The following SNX29 variants were observed in gnomAD, a reference collection of about 807,000 sequenced individuals.
SNX29 encodes the protein sorting nexin 29, also known as sorting nexin-29.
A neutral mutation model predicts 102.1 loss-of-function variants in SNX29; 78 were observed. That is an observed-to-expected ratio of 0.76 (90% CI 0.64 to 0.92). The LOEUF (loss-of-function observed/expected upper bound fraction) is 0.92, where lower values mean the gene tolerates loss of function less well. Among genes scored for constraint, SNX29 ranks in the 40% least tolerant of loss-of-function variants. SNX29 has a pLI of 0.00. For synonymous variants in SNX29, 580 were observed against 414.5 expected, an observed-to-expected ratio of 1.40 and a Z score of -4.85; for missense variants, 1,280 against 1,061.7, an observed-to-expected ratio of 1.21 and a Z score of -2.86.
intron 18 of SNX29, among the ~76,000 whole-genome samples, chr16:12,432,640 G>C (rs889790194): frequency 6.6e-6 from 1 of 152,228 alleles, no homozygotes; most frequent in South Asian, 2.1e-4. Context: ...TAGGCCCAGG[G>C]GCAGACCCTG....
intron 8 of SNX29, chr16:12,053,310 C>T (rs2050384275): frequency 6.6e-6 from 1 of 150,828 alleles, no homozygotes. Context: ...AAAAAAGTCC[C>T]CCAAATACCC....
chr16:12,486,560 T>A (rs532209110), intron 19 of SNX29, among the ~76,000 whole-genome samples: 1 of 152,270 alleles, frequency 6.6e-6, no homozygotes, highest in African/African-American at 2.4e-5. Flanking sequence ...AAGGCTGATA[T>A]CTGGGCCCAG....
chr16:12,051,012 C>T (rs1373424042), intron 7 of SNX29, among the ~76,000 whole-genome samples: 6 of 152,158 alleles, frequency 3.9e-5, no homozygotes, highest in Admixed American at 2.6e-4. Context: ...TGAGCCACCG[C>T]GCCCGGCCCT....
intron 11 of SNX29, among the ~76,000 whole-genome samples, chr16:12,122,161 A>G (rs1425158246): frequency 6.6e-6 from 1 of 152,122 alleles, no homozygotes; most frequent in Non-Finnish European, 1.5e-5. Flanking sequence ...GGCTTTCGGC[A>G]AGTCACTATT....
chr16:12,400,819 C>CATTT (rs35880279), intron 17 of SNX29, among the ~76,000 whole-genome samples: 24,090 of 151,700 alleles, frequency 0.16, 2,097 homozygotes, highest in Middle Eastern at 0.24. Context: ...ACCTCACTTT[C>CATTT]ATTTATTTAT....
chr16:12,133,680 C>A (rs2054556658), intron 13 of SNX29, among the ~76,000 whole-genome samples: 1 of 152,102 alleles, frequency 6.6e-6, no homozygotes, highest in South Asian at 2.1e-4. Flanking sequence ...TGTATTGGCT[C>A]AATGTGCTTG....
intron 16 of SNX29, among the ~76,000 whole-genome samples, chr16:12,386,201 C>A (rs1200003874): frequency 6.6e-6 from 1 of 152,240 alleles, no homozygotes; most frequent in Non-Finnish European, 1.5e-5. Flanking sequence ...TCATTCTCAT[C>A]AACCCTTAAG....
chr16:12,172,057 C>T (rs975404315), intron 13 of SNX29, among the ~76,000 whole-genome samples: 1 of 152,126 alleles, frequency 6.6e-6, no homozygotes, highest in Non-Finnish European at 1.5e-5. Flanking sequence ...CTAAATTACA[C>T]CAAAAGCTTT....
chr16:11,988,583 AG>A (rs1301458013), intron 1 of SNX29, among the ~76,000 whole-genome samples: 1 of 152,126 alleles, frequency 6.6e-6, no homozygotes, highest in Non-Finnish European at 1.5e-5. Context: ...AACTTTTTGT[AG>A]GGACGGGGTG....
intron 11 of SNX29, among the ~76,000 whole-genome samples, chr16:12,088,744 A>C (rs1567196280): frequency 6.6e-6 from 1 of 151,690 alleles, no homozygotes; most frequent in East Asian, 1.9e-4. Flanking sequence ...GCAGGAGTTC[A>C]AGACCAGCCT....
chr16:12,274,936 T>A (rs150010510), intron 14 of SNX29, among the ~76,000 whole-genome samples: 9 of 152,074 alleles, frequency 5.9e-5, no homozygotes, highest in African/African-American at 2.2e-4. Context: ...CACTGTCTCC[T>A]CCTCTCTCTC....
At chr16:12,235,860 C>T (rs1249885204) in intron 14 of SNX29, among the ~76,000 whole-genome samples, 1 of 151,500 alleles carries the variant, frequency 6.6e-6, no homozygotes, top group Non-Finnish European at 1.5e-5. Flanking sequence ...ATAAAAATCA[C>T]AGTTCTTTTG....
chr16:12,343,879 T>A (rs1240607377), intron 15 of SNX29, among the ~76,000 whole-genome samples: 1 of 152,026 alleles, frequency 6.6e-6, no homozygotes, highest in Non-Finnish European at 1.5e-5. Context: ...TGCAGGGAGG[T>A]GCATTTGACC....
At chr16:12,427,522 G>A (rs1223784161) in intron 18 of SNX29, among the ~76,000 whole-genome samples, 1 of 151,900 alleles carries the variant, frequency 6.6e-6, no homozygotes, top group Admixed American at 6.6e-5. Flanking sequence ...TTGGGGAACT[G>A]ATAAAAGAAA....
intron 14 of SNX29, among the ~76,000 whole-genome samples, chr16:12,234,093 A>G (rs906104225): frequency 6.6e-6 from 1 of 152,164 alleles, no homozygotes; most frequent in African/African-American, 2.4e-5. Flanking sequence ...CGTGTTTTTC[A>G]TTTCTCTCGG....
intron 1 of SNX29, among the ~76,000 whole-genome samples, chr16:11,983,471 C>T (rs569612482): frequency 1.3e-5 from 2 of 152,078 alleles, no homozygotes; most frequent in African/African-American, 4.8e-5. Flanking sequence ...AATAAATAAT[C>T]AGCTGAAATG....
At chr16:12,409,851 C>A (rs1049711310) in intron 18 of SNX29, among the ~76,000 whole-genome samples, 9 of 152,140 alleles carry the variant, frequency 5.9e-5, no homozygotes, top group Non-Finnish European at 1.3e-4. Flanking sequence ...ATCAGTCTTC[C>A]ATGTGGGATA....
At chr16:12,213,018 G>A (rs1026802308) in intron 14 of SNX29, among the ~76,000 whole-genome samples, 11 of 152,200 alleles carry the variant, frequency 7.2e-5, no homozygotes, top group Non-Finnish European at 1.3e-4. Flanking sequence ...GGAGGCTGAG[G>A]CAGGAGAATA....
intron 3 of SNX29, among the ~76,000 whole-genome samples, chr16:12,025,891 C>T (rs2057177521): frequency 6.6e-6 from 1 of 152,174 alleles, no homozygotes; most frequent in African/African-American, 2.4e-5. Context: ...GTACAGATGT[C>T]ACTGCTTTTT....
Sources: gnomAD v4.1 joint callset for allele counts (sites outside exome capture counted in the v4.1 genomes callset) on GRCh38, gnomAD v4.1.1 for gene constraint, MANE v1.5 for transcripts, NCBI Gene and HGNC (gene_info 2026-07-23, HGNC 2026-07-21) for gene names.